MGRN1: variants seen among roughly 807,000 people sequenced by gnomAD.
MGRN1 encodes E3 ubiquitin-protein ligase MGRN1.
MGRN1 carries 29 observed loss-of-function variants against 69.2 expected under a neutral mutation model. The ratio of observed to expected loss-of-function variants is 0.42; its 90% CI spans 0.31 to 0.57. The LOEUF (loss-of-function observed/expected upper bound fraction) is 0.57, where lower values mean the gene tolerates loss of function less well. MGRN1 is among the 20% of genes least tolerant of loss of function. MGRN1 has a pLI of 0.15. For synonymous variants in MGRN1, 470 were observed against 344.2 expected (o/e 1.37, Z -4.04); for missense variants, 998 against 796.2 (o/e 1.25, Z -3.05).
intron 7 of MGRN1, among the ~76,000 whole-genome samples, chr16:4,666,713 C>T (rs1175091268): frequency 2.6e-5 from 4 of 152,220 alleles, no homozygotes; most frequent in African/African-American, 2.4e-5. Flanking sequence ...CACCTGCCTG[C>T]GGCACTCTGA....
rs369985182 is a variant in MGRN1, at chr16:4,683,847, C to T, written c.1533C>T (p.Thr511=). 3.1e-6 allele frequency: 5 copies of T among 1,612,776 alleles called. No homozygotes were observed. The highest frequency in any genetic ancestry group is 4.2e-6 in the Non-Finnish European group (5 of 1,179,784). The change falls in exon 16 of 17, where the codon ACC becomes ACT. Residue 511 remains threonine, a synonymous_variant. Transcript: ENST00000262370. ...VDESSSPQQG[T]RAASIENVLQ... ...AACCTCACCCTCTGCCTGCAGGGAC[C>T]CGAGCAGCTTCCATTGAGAATGTCC...
intron 1 of MGRN1, among the ~76,000 whole-genome samples, chr16:4,643,406 T>A (rs933607918): frequency 2.0e-5 from 3 of 148,254 alleles, no homozygotes; most frequent in Non-Finnish European, 4.5e-5. Context: ...TTGCTTGATT[T>A]TTTTTTTTTT....
intron 5 of MGRN1, among the ~76,000 whole-genome samples, chr16:4,663,305 C>G (rs1250563218): frequency 6.6e-6 from 1 of 151,648 alleles, no homozygotes. Flanking sequence ...CTCAGGTGAT[C>G]CGCCACCTAG....
intron 7 of MGRN1, among the ~76,000 whole-genome samples, chr16:4,666,254 G>T (rs998445661): frequency 2.0e-5 from 3 of 151,980 alleles, no homozygotes; most frequent in Admixed American, 2.0e-4. Context: ...TCAGCCTCCC[G>T]AGTAGCTGGG....
intron 1 of MGRN1, among the ~76,000 whole-genome samples, chr16:4,628,699 C>T (rs1456900274): frequency 2.6e-5 from 4 of 152,100 alleles, no homozygotes. Context: ...TGCGCACCAC[C>T]ACGCCCGGCT....
intron 14 of MGRN1, 100 bp downstream of exon 14, chr16:4,683,046 C>G (rs2079224796): frequency 2.0e-6 from 3 of 1,469,582 alleles, no homozygotes; most frequent in Admixed American, 2.3e-5. Context: ...CGCCTGGGCG[C>G]CCCCGTGCTT....
rs181989156 is a variant in MGRN1 at position 4,632,256 on chromosome 16, C to T, written c.88+7208C>T. ...GTCTTGATCTATTGACCTTTTGACC[C>T]GCCTACCTCAGCCTCCGGAAGAGCT... On this transcript the variant is annotated intron_variant, in intron 1 of 16. Transcript: ENST00000262370. 9.8e-4 allele frequency among the ~76,000 whole-genome samples: 149 copies of T among 151,670 alleles called. 1 individual carries two copies. The highest frequency in any genetic ancestry group is 1.8e-3 in the Non-Finnish European group (119 of 67,848).
rs751936825 is a variant in MGRN1, at chr16:4,677,489, G to A, written c.982G>A (p.Ala328Thr). 2 of 1,586,316 alleles carry A rather than the reference G, an allele frequency of 1.3e-6. No individual in the cohort carries two copies. The highest frequency in any genetic ancestry group is 1.1e-5 in the South Asian group (1 of 89,876). ...TTTCCGGGCCCTCCTGCAGATCCGG[G>A]CGGTGCGGAAGAAGCCAGGAGCCCT... ...LPFRALLQIR[A>T]VRKKPGALSP... The change falls in exon 11 of 17, where the codon GCG becomes ACG. Residue 328 changes from alanine (A) to threonine (T), a missense_variant. Transcript: ENST00000262370.
chr16:4,652,653 C>T, intron 3 of MGRN1, 25 bp from the exon 4 acceptor site: 1 of 1,593,370 alleles, frequency 6.3e-7, no homozygotes, highest in Non-Finnish European at 8.6e-7. Flanking sequence ...TGACCCGCTG[C>T]CTTTCTCTCC....
intron 4 of MGRN1, among the ~76,000 whole-genome samples, chr16:4,656,214 G>A (rs1339220784): frequency 2.6e-5 from 4 of 152,246 alleles, no homozygotes; most frequent in Non-Finnish European, 4.4e-5. Flanking sequence ...GGATGCACTC[G>A]TGCCTGTGGC....
intron 1 of MGRN1, among the ~76,000 whole-genome samples, chr16:4,633,397 A>G (rs1898107695): frequency 6.6e-6 from 1 of 150,516 alleles, no homozygotes; most frequent in Non-Finnish European, 1.5e-5. Context: ...TTATTGAAAA[A>G]TTAATAAAAA....
chr16:4,648,412 C>T (rs1282846131), intron 1 of MGRN1, among the ~76,000 whole-genome samples: 5 of 124,680 alleles, frequency 4.0e-5, no homozygotes, highest in Admixed American at 3.0e-4. Flanking sequence ...GTCCTCCTCC[C>T]GGGGGCTCTT....
chr16:4,643,018 C>G (rs2078196674), intron 1 of MGRN1, among the ~76,000 whole-genome samples: 1 of 152,008 alleles, frequency 6.6e-6, no homozygotes, highest in Non-Finnish European at 1.5e-5. Context: ...TGAAGTGGCA[C>G]AATCTCAGCT....
intron 1 of MGRN1, chr16:4,634,564 G>A (rs1357490126): frequency 6.6e-6 from 1 of 152,462 alleles, no homozygotes; most frequent in East Asian, 1.9e-4. Context: ...CTGAACAGCT[G>A]TAGAATTACC....
At chr16:4,671,506 C>G (rs1159957613) in intron 9 of MGRN1, 47 bp downstream of exon 9, 2 of 1,571,810 alleles carry the variant, frequency 1.3e-6, no homozygotes, top group African/African-American at 1.3e-5. Flanking sequence ...GAAGCCCACA[C>G]CAGGAGCAGC....
intron 4 of MGRN1, among the ~76,000 whole-genome samples, chr16:4,655,009 C>T (rs1011513137): frequency 3.3e-5 from 5 of 152,194 alleles, no homozygotes; most frequent in Admixed American, 1.3e-4. Flanking sequence ...CTATGACAGG[C>T]GTCGAATTCT....
chr16:4,651,372 G>A (rs993718467), intron 2 of MGRN1, among the ~76,000 whole-genome samples: 4 of 152,114 alleles, frequency 2.6e-5, no homozygotes, highest in Admixed American at 1.3e-4. Context: ...CAATTAATAC[G>A]GGACAAATGG....
At chr16:4,657,729 G>A (rs1035718116) in intron 5 of MGRN1, among the ~76,000 whole-genome samples, 25 of 144,926 alleles carry the variant, frequency 1.7e-4, no homozygotes, top group African/African-American at 5.0e-4. Flanking sequence ...AAATCTTGGT[G>A]CAGACATCCT....
At chr16:4,668,874 A>G (rs1318443364) in intron 8 of MGRN1, among the ~76,000 whole-genome samples, 1 of 152,194 alleles carries the variant, frequency 6.6e-6, no homozygotes, top group East Asian at 1.9e-4. Flanking sequence ...ATGTATACTC[A>G]TACACATATA....
Sources: gnomAD v4.1 joint callset for allele counts (sites outside exome capture counted in the v4.1 genomes callset) on GRCh38, gnomAD v4.1.1 for gene constraint, MANE v1.5 for transcripts, NCBI Gene and HGNC (gene_info 2026-07-23, HGNC 2026-07-21) for gene names.